Variants in FRMD6 observed in about 807,000 individuals in gnomAD.
FRMD6 encodes the protein FERM domain-containing protein 6.
A neutral mutation model predicts 73.2 loss-of-function variants in FRMD6; 37 were observed. That is an observed-to-expected ratio of 0.51 (90% CI 0.39 to 0.66). The LOEUF (loss-of-function observed/expected upper bound fraction) is 0.66. Among genes scored for constraint, FRMD6 ranks in the 30% least tolerant of loss-of-function variants. The pLI is 0.00. For synonymous variants in FRMD6, 273 were observed against 282.2 expected (o/e 0.97, Z 0.33); for missense variants, 714 against 780.5 (o/e 0.91, Z 1.02).
At chr14:51,462,275 T>C in the FRMD6 span, among the ~76,000 whole-genome samples, 1 of 152,244 alleles carries the variant, frequency 6.6e-6, no homozygotes, top group Non-Finnish European at 1.5e-5. Flanking sequence ...GATCCTCTTC[T>C]CTTTTGTAAA....
the FRMD6 span, among the ~76,000 whole-genome samples, chr14:51,443,597 G>T: frequency 6.6e-6 from 1 of 152,306 alleles, no homozygotes; most frequent in Non-Finnish European, 1.5e-5. Flanking sequence ...GCCTGACCGG[G>T]CTGAAGGTAC....
chr14:51,489,174 C>A, exon 1 of FRMD6: 1 of 152,246 alleles, frequency 6.6e-6, no homozygotes, highest in East Asian at 1.9e-4. Context: ...ACACTATTTT[C>A]TCCTGCCCTT....
At chr14:51,467,646 G>C in the FRMD6 span, among the ~76,000 whole-genome samples, 1 of 151,798 alleles carries the variant, frequency 6.6e-6, no homozygotes, top group East Asian at 1.9e-4. Context: ...TCACCTCCCA[G>C]ATGGGGTGGT....
intron 2 of FRMD6, among the ~76,000 whole-genome samples, chr14:51,623,119 A>AG (rs1387584233): frequency 6.6e-6 from 1 of 152,194 alleles, no homozygotes; most frequent in Non-Finnish European, 1.5e-5. Context: ...TCCAAAAAAA[A>AG]TAAGAGATCT....
intron 1 of FRMD6, chr14:51,547,922 A>G (rs1186335166): frequency 6.6e-6 from 1 of 152,064 alleles, no homozygotes; most frequent in African/African-American, 2.4e-5. Flanking sequence ...GTCTTTTGTA[A>G]TTGAACTAGA....
At chr14:51,682,499 G>C (rs74052665) in intron 1 of FRMD6, among the ~76,000 whole-genome samples, 2,988 of 152,214 alleles carry the variant, frequency 0.02, 106 homozygotes, top group African/African-American at 0.068. Flanking sequence ...GACTTACTCT[G>C]TTGCAAGTGG....
chr14:51,533,132 G>A (rs1885685245), intron 1 of FRMD6, among the ~76,000 whole-genome samples: 1 of 152,194 alleles, frequency 6.6e-6, no homozygotes. Context: ...TTTTACCTAA[G>A]TGTAGCCCAA....
intron 1 of FRMD6, among the ~76,000 whole-genome samples, chr14:51,542,093 G>C (rs938400454): frequency 6.6e-6 from 1 of 151,912 alleles, no homozygotes; most frequent in African/African-American, 2.4e-5. Context: ...CTTCAAAATA[G>C]GATCTCTGGA....
the FRMD6 span, among the ~76,000 whole-genome samples, chr14:51,449,044 A>T: frequency 6.6e-6 from 1 of 152,196 alleles, no homozygotes; most frequent in Admixed American, 6.5e-5. Context: ...GCTTGTAATC[A>T]TGCAGCCCAT....
At chr14:51,693,239 T>G (rs1895726024) in intron 2 of FRMD6, among the ~76,000 whole-genome samples, 1 of 152,180 alleles carries the variant, frequency 6.6e-6, no homozygotes, top group Non-Finnish European at 1.5e-5. Flanking sequence ...AGGGTGATTG[T>G]GAGAATTTAG....
At chr14:51,547,598 T>TAA (rs1223988031) in intron 1 of FRMD6, 1 of 152,218 alleles carries the variant, frequency 6.6e-6, no homozygotes, top group African/African-American at 2.4e-5. Context: ...CCTACGACGC[T>TAA]TATTGAGTAT....
At chr14:51,656,655 G>A (rs1477989959) in intron 1 of FRMD6, among the ~76,000 whole-genome samples, 1 of 152,088 alleles carries the variant, frequency 6.6e-6, no homozygotes, top group Non-Finnish European at 1.5e-5. Flanking sequence ...CTTGTGATCT[G>A]CCCGCCTCGG....
chr14:51,590,062 CAAA>C (rs529602796), intron 2 of FRMD6, among the ~76,000 whole-genome samples: 2,643 of 82,538 alleles, frequency 0.032, 80 homozygotes, highest in African/African-American at 0.086. Flanking sequence ...GAGCGAAACT[CAAA>C]AAAAAAAAAA....
At chr14:51,587,000 C>T (rs1012710522) in intron 2 of FRMD6, among the ~76,000 whole-genome samples, 2 of 152,200 alleles carry the variant, frequency 1.3e-5, no homozygotes, top group Non-Finnish European at 2.9e-5. Context: ...AAGCAAACCT[C>T]CTGCCTTGGC....
chr14:51,638,348 C>T lies in FRMD6; in HGVS notation c.-146-51343C>T, dbSNP rs544649623. Among the ~76,000 whole-genome samples, 5 of 152,268 alleles carry T rather than the reference C, an allele frequency of 3.3e-5. No homozygotes were observed. In the East Asian group the frequency reaches 7.7e-4, roughly 23 times the overall value. ...TGAGTGAGAGCGGATAGCATAGTGC[C>T]AATCCCCAATGCCAGTGCAAACAGT... is the stretch of plus-strand genomic sequence containing the variant. On this transcript the variant is annotated intron_variant, in intron 2 of 14. Coordinates refer to the FRMD6 transcript ENST00000356218.
intron 1 of FRMD6, among the ~76,000 whole-genome samples, chr14:51,569,992 T>G (rs1888030048): frequency 6.6e-6 from 1 of 152,036 alleles, no homozygotes; most frequent in Admixed American, 6.6e-5. Flanking sequence ...ATTTTATGTA[T>G]TTTTAGTAGA....
chr14:51,692,762 A>G (rs145364357), intron 2 of FRMD6: 11 of 152,308 alleles, frequency 7.2e-5, no homozygotes, highest in Admixed American at 2.6e-4. Context: ...GTCTATGGCC[A>G]TACTACCCTG....
intron 1 of FRMD6, among the ~76,000 whole-genome samples, chr14:51,687,879 ATGTAT>A (rs930578281): frequency 4.6e-5 from 7 of 152,162 alleles, no homozygotes; most frequent in African/African-American, 1.7e-4. Context: ...TATTTTTCCA[ATGTAT>A]TATATTCAAC....
chr14:51,548,292 C>T (rs146185058), intron 1 of FRMD6, among the ~76,000 whole-genome samples: 41 of 152,258 alleles, frequency 2.7e-4, no homozygotes, highest in African/African-American at 8.4e-4. Context: ...GTAATGTAAA[C>T]ATATCTGGCA....
Sources: allele counts gnomAD v4.1 joint callset (sites outside exome capture counted in the v4.1 genomes callset), GRCh38; gene constraint gnomAD v4.1.1; transcripts MANE v1.5; gene names NCBI Gene and HGNC (gene_info 2026-07-23, HGNC 2026-07-21).